PCDHA8: variants seen among roughly 807,000 people sequenced by gnomAD.
PCDHA8 encodes the protein protocadherin alpha 8, also known as protocadherin alpha-8.
A neutral mutation model predicts 61.8 loss-of-function variants in PCDHA8; 53 were observed. The ratio of observed to expected loss-of-function variants is 0.86; its 90% confidence interval spans 0.69 to 1.08. The LOEUF (loss-of-function observed/expected upper bound fraction) is 1.08, where lower values mean the gene tolerates loss of function less well. Among genes scored for constraint, PCDHA8 ranks in the 50% least tolerant of loss-of-function variants. PCDHA8 has a pLI of 0.00. For synonymous variants in PCDHA8, 618 were observed against 556.6 expected (o/e 1.11, Z -1.55); for missense variants, 1,293 against 1,245.0 (o/e 1.04, Z -0.58).
chr5:140,889,928 G>A (rs554679699), intron 1 of PCDHA8, among the ~76,000 whole-genome samples: 98 of 152,304 alleles, frequency 6.4e-4, no homozygotes, highest in South Asian at 1.5e-3. Context: ...AGAAGCTCAA[G>A]CTGGACTTGT....
intron 1 of PCDHA8, chr5:140,858,010 C>T (rs1554151006): frequency 1.3e-6 from 2 of 1,596,376 alleles, no homozygotes; most frequent in South Asian, 1.1e-5. Flanking sequence ...AGGACCATGG[C>T]GAGCCGTCGC....
intron 1 of PCDHA8, among the ~76,000 whole-genome samples, chr5:140,958,824 A>G (rs1008923744): frequency 5.9e-5 from 9 of 152,158 alleles, no homozygotes; most frequent in Admixed American, 5.9e-4. Context: ...TAATTTTTAT[A>G]TCTTAAAGTT....
chr5:140,862,934 G>C (rs1050739882), intron 1 of PCDHA8: 3 of 542,192 alleles, frequency 5.5e-6, no homozygotes, highest in African/African-American at 2.0e-5. Flanking sequence ...TGGCGGCGCT[G>C]TGAGTGAGCT....
In PCDHA8 at chr5:140,875,833, G is replaced by T. The variant is rs782436615; in HGVS notation, c.2394+32118G>T. The stretch of plus-strand genomic sequence containing the variant: ...GCCGCTGCAGGTTTTCCATGTGGAC[G>T]TGGAGGTGAAGGACATTAACGACAA... On this transcript the variant is annotated intron_variant, in intron 1 of 3. Coordinates refer to ENST00000531613, the MANE Select transcript of PCDHA8 (RefSeq NM_018911.3). 2.3e-5 allele frequency: 37 copies of T among 1,614,100 alleles called. No homozygotes were observed. The Admixed American group carries it at 6.0e-4, about 26-fold the overall frequency.
intron 1 of PCDHA8, chr5:140,850,975 T>G: frequency 6.9e-7 from 1 of 1,451,728 alleles, no homozygotes; most frequent in Non-Finnish European, 9.2e-7. Flanking sequence ...GTTCAAATAG[T>G]TTTATTCATT....
In PCDHA8 at chr5:140,848,765, C is replaced by A; in HGVS notation, c.2394+5050C>A. ...GCATTTTGTTTGTGAATTCTCGGAT[C>A]GACCGCGAGGAGCTGTGCGGGCGGA... On this transcript the variant is annotated intron_variant, in intron 1 of 3. Coordinates refer to ENST00000531613, the MANE Select transcript of PCDHA8 (RefSeq NM_018911.3). 3.8e-6 allele frequency: 6 copies of A among 1,593,356 alleles called. 1 individual carries two copies. The highest frequency in any genetic ancestry group is 2.2e-5 in the South Asian group (2 of 90,232).
chr5:140,980,259 G>T (rs1200649581), intron 2 of PCDHA8, among the ~76,000 whole-genome samples: 1 of 152,192 alleles, frequency 6.6e-6, no homozygotes. Flanking sequence ...TAAAAGCATG[G>T]TTTACAGTAC....
chr5:140,919,609 CT>C (rs2079218169), intron 1 of PCDHA8, among the ~76,000 whole-genome samples: 2 of 151,908 alleles, frequency 1.3e-5, no homozygotes, highest in South Asian at 4.1e-4. Flanking sequence ...AAATTTTAAA[CT>C]GTATCTTTTG....
intron 1 of PCDHA8, chr5:140,853,701 C>T: frequency 1.0e-6 from 1 of 987,936 alleles, no homozygotes; most frequent in Non-Finnish European, 1.2e-6. Context: ...CCTGCTAACG[C>T]ATTAGCATTA....
intron 1 of PCDHA8, chr5:140,870,608 C>G (rs1408684171): frequency 6.2e-7 from 1 of 1,613,106 alleles, no homozygotes; most frequent in African/African-American, 1.3e-5. Flanking sequence ...GGCGACCGCG[C>G]GCTGTCGAGC....
At position 140,951,793 on chromosome 5, in the gene PCDHA8, C is replaced by T. The variant is rs536005204; in HGVS notation, c.2395-27156C>T. 5.3e-5 allele frequency among the ~76,000 whole-genome samples: 8 copies of T among 152,244 alleles called. No homozygotes were observed. The South Asian group carries it at 1.7e-3, about 32-fold the overall frequency. On this transcript the variant is annotated intron_variant, in intron 1 of 3. Coordinates refer to ENST00000531613, the MANE Select transcript of PCDHA8 (RefSeq NM_018911.3). ...TTCTTACATTGCAAAATACAATTAT[C>T]CCTTCCCAATGGTCCCTCAAAGTCT...
chr5:140,979,306 C>T (rs1554240481), intron 2 of PCDHA8, among the ~76,000 whole-genome samples: 1 of 152,206 alleles, frequency 6.6e-6, no homozygotes, highest in African/African-American at 2.4e-5. Context: ...CTTCATCCCT[C>T]TCTACCTATG....
chr5:140,921,706 T>C (rs2080341352), intron 1 of PCDHA8, among the ~76,000 whole-genome samples: 1 of 152,148 alleles, frequency 6.6e-6, no homozygotes, highest in Non-Finnish European at 1.5e-5. Flanking sequence ...TTTTAAACAG[T>C]AAACACACGA....
intron 1 of PCDHA8, among the ~76,000 whole-genome samples, chr5:140,912,990 T>C (rs2076154668): frequency 6.6e-6 from 1 of 152,198 alleles, no homozygotes; most frequent in African/African-American, 2.4e-5. Context: ...GAATTCAGTT[T>C]GCTAGTATTT....
intron 1 of PCDHA8, among the ~76,000 whole-genome samples, chr5:140,952,192 G>A (rs572613863): frequency 1.1e-4 from 16 of 152,198 alleles, no homozygotes; most frequent in African/African-American, 3.9e-4. Flanking sequence ...TCATGGGTTG[G>A]TGTTGAATGC....
In PCDHA8 at chr5:140,991,838, G is replaced by A. The variant is rs1056330823; in HGVS notation, c.2542+9275G>A. 3.3e-5 allele frequency among the ~76,000 whole-genome samples: 5 copies of A among 152,110 alleles called. No homozygotes were observed. In the East Asian group the frequency reaches 9.6e-4, roughly 29 times the overall value. ...TTTAGGCATTTATAACGGCAGAACC[G>A]CACTTCCAGATACCAAAATCTGTAT... On this transcript the variant is annotated intron_variant, in intron 3 of 3. Transcript: ENST00000531613.
chr5:140,919,080 T>C (rs1208413625), intron 1 of PCDHA8, among the ~76,000 whole-genome samples: 1 of 152,260 alleles, frequency 6.6e-6, no homozygotes, highest in Non-Finnish European at 1.5e-5. Flanking sequence ...GTTATGACTA[T>C]TGAATTGTCT....
intron 1 of PCDHA8, chr5:140,871,243 C>G (rs1246479266): frequency 6.2e-7 from 1 of 1,613,862 alleles, no homozygotes; most frequent in African/African-American, 1.3e-5. Context: ...GGTACTCACG[C>G]TGCTGCTGTA....
intron 1 of PCDHA8, chr5:140,849,874 A>G: frequency 6.3e-7 from 1 of 1,598,610 alleles, no homozygotes. Flanking sequence ...CAGTCCGAGT[A>G]CACGGTGTTC....
Sources: gnomAD v4.1 joint callset for allele counts (sites outside exome capture counted in the v4.1 genomes callset) on GRCh38, gnomAD v4.1.1 for gene constraint, MANE v1.5 for transcripts, NCBI Gene and HGNC (gene_info 2026-07-23, HGNC 2026-07-21) for gene names.